Variants in NDUFAF2 observed in about 807,000 individuals in gnomAD.
NDUFAF2 encodes the protein NADH:ubiquinone oxidoreductase complex assembly factor 2.
NDUFAF2 carries 13 observed loss-of-function variants against 22.8 expected under a neutral mutation model. The observed-to-expected ratio is 0.57, with a 90% CI of 0.37 to 0.91. NDUFAF2 has a LOEUF of 0.91. Among genes scored for constraint, NDUFAF2 ranks in the 40% least tolerant of loss-of-function variants. The pLI, the probability that NDUFAF2 is intolerant of heterozygous loss-of-function variation, is 0.01. For synonymous variants in NDUFAF2, 53 were observed against 64.2 expected (o/e 0.83, Z 0.84); for missense variants, 162 against 195.2 (o/e 0.83, Z 1.01).
rs1240336890 is a variant in NDUFAF2, at chr5:61,147,437, C to CTTTTTTTTTTTTTTTTTTTTTTTT, written c.259-5250_259-5249insTTTTTTTTTTTTTTTTTTTTTTTT. 2.8e-4 allele frequency among the ~76,000 whole-genome samples: 24 copies of CTTTTTTTTTTTTTTTTTTTTTTTT among 84,736 alleles called. 3 individuals carry two copies. The highest frequency in any genetic ancestry group is 9.3e-3 in the Middle Eastern group (1 of 108). The allele number at this position is 84,736 out of a possible 152,430, so 55.6% of individuals were successfully genotyped here. ...CTAATTTTTGTATTTTTTTTTCTTT[C>CTTTTTTTTTTTTTTTTTTTTTTTT]TTTTTTTTTTTTTTTTTGTAGCAAC... On this transcript the variant is annotated intron_variant, in intron 3 of 3. Transcript: ENST00000296597.
At chr5:61,096,783 G>A (rs1212100559) in intron 2 of NDUFAF2, among the ~76,000 whole-genome samples, 2 of 151,830 alleles carry the variant, frequency 1.3e-5, no homozygotes, top group Non-Finnish European at 2.9e-5. Flanking sequence ...GGCCAACATG[G>A]TGAAACCCCA....
rs138723409 is a variant in NDUFAF2 at position 61,082,949 on chromosome 5, C to T, written c.217+9735C>T. 3.9e-5 allele frequency among the ~76,000 whole-genome samples: 6 copies of T among 152,228 alleles called. No homozygotes were observed. In the East Asian group the frequency reaches 1.2e-3, roughly 29 times the overall value. ...TTATTAGTAGTTCTTTGAGAATCGC[C>T]AAACTGCTTTCCACTTAGGCTGAAC... On this transcript the variant is annotated intron_variant, in intron 2 of 3. Coordinates refer to ENST00000296597, the MANE Select transcript of NDUFAF2 (RefSeq NM_174889.5).
chr5:61,099,970 T>A (rs1218743464), intron 3 of NDUFAF2, among the ~76,000 whole-genome samples: 1 of 152,184 alleles, frequency 6.6e-6, no homozygotes, highest in African/African-American at 2.4e-5. Context: ...CATACATTTG[T>A]CATATACTGA....
intron 1 of NDUFAF2, among the ~76,000 whole-genome samples, chr5:60,961,118 T>C (rs1750678039): frequency 6.6e-6 from 1 of 152,088 alleles, no homozygotes; most frequent in African/African-American, 2.4e-5. Context: ...TGAAGTTCGA[T>C]TTGCTCTTTA....
intron 3 of NDUFAF2, among the ~76,000 whole-genome samples, chr5:61,107,002 A>T (rs1752772496): frequency 6.8e-6 from 1 of 146,376 alleles, no homozygotes; most frequent in South Asian, 2.2e-4. Flanking sequence ...ATGGGAGTAC[A>T]GGTATCTCTT....
chr5:61,043,726 TAC>T (rs1298749964), intron 1 of NDUFAF2, among the ~76,000 whole-genome samples: 1 of 137,848 alleles, frequency 7.3e-6, no homozygotes, highest in Non-Finnish European at 1.7e-5. Flanking sequence ...TGTGTGTATC[TAC>T]ATCTATATTA....
chr5:61,111,539 C>T (rs1406138569), intron 3 of NDUFAF2, among the ~76,000 whole-genome samples: 1 of 152,090 alleles, frequency 6.6e-6, no homozygotes, highest in Admixed American at 6.6e-5. Context: ...TAGGCTTAAG[C>T]GATCCTCCCA....
intron 1 of NDUFAF2, among the ~76,000 whole-genome samples, chr5:61,060,705 C>CA (rs1369860569): frequency 6.6e-6 from 1 of 152,130 alleles, no homozygotes; most frequent in Non-Finnish European, 1.5e-5. Flanking sequence ...AAGTCACCTC[C>CA]AAATTCCACT....
At position 61,091,012 on chromosome 5, in the gene NDUFAF2, A is replaced by G. The variant is rs188485278; in HGVS notation, c.218-7980A>G. Among the ~76,000 whole-genome samples, 10 of 152,230 alleles carry G rather than the reference A, an allele frequency of 6.6e-5. No homozygotes were observed. The East Asian group carries it at 1.9e-3, about 29-fold the overall frequency. ...GCTCCATCCATGTCCCTACAAAGGC[A>G]TGATCTTGTTCTTTTTTATGGCTGC... On this transcript the variant is annotated intron_variant, in intron 2 of 3. Coordinates refer to ENST00000296597, the MANE Select transcript of NDUFAF2 (RefSeq NM_174889.5).
chr5:61,075,036 C>T (rs941393606), intron 2 of NDUFAF2, among the ~76,000 whole-genome samples: 6 of 152,152 alleles, frequency 3.9e-5, no homozygotes, highest in Non-Finnish European at 8.8e-5. Context: ...ATCTAGTCAC[C>T]TCCCTCCTTC....
intron 1 of NDUFAF2, among the ~76,000 whole-genome samples, chr5:61,064,716 G>A (rs1752207455): frequency 6.6e-6 from 1 of 151,968 alleles, no homozygotes; most frequent in Admixed American, 6.6e-5. Context: ...ACCAAAACAT[G>A]GGATGCAGCA....
intron 1 of NDUFAF2, among the ~76,000 whole-genome samples, chr5:61,067,506 T>C (rs932292414): frequency 2.0e-5 from 3 of 152,282 alleles, no homozygotes; most frequent in African/African-American, 7.2e-5. Flanking sequence ...TTTTTATGGC[T>C]GCATAGTATT....
At chr5:61,140,275 A>G (rs927924993) in intron 3 of NDUFAF2, among the ~76,000 whole-genome samples, 3 of 152,180 alleles carry the variant, frequency 2.0e-5, no homozygotes, top group Non-Finnish European at 2.9e-5. Context: ...TTCCTATTGA[A>G]TATCTTAACA....
intron 1 of NDUFAF2, among the ~76,000 whole-genome samples, chr5:61,009,184 A>G (rs1751411659): frequency 6.6e-6 from 1 of 152,092 alleles, no homozygotes; most frequent in Admixed American, 6.6e-5. Context: ...TTTTCAGATC[A>G]CAGAATATTT....
intron 3 of NDUFAF2, among the ~76,000 whole-genome samples, chr5:61,118,904 G>T (rs1408761296): frequency 1.3e-5 from 2 of 152,186 alleles, no homozygotes; most frequent in African/African-American, 4.8e-5. Context: ...AGGGTTCACA[G>T]TCATGGAGAG....
At chr5:61,150,870 A>G (rs1306701395) in intron 3 of NDUFAF2, among the ~76,000 whole-genome samples, 1 of 152,208 alleles carries the variant, frequency 6.6e-6, no homozygotes, top group Non-Finnish European at 1.5e-5. Context: ...TTTGTGATAC[A>G]TCATCACCTT....
chr5:60,979,741 C>T (rs971356090), intron 1 of NDUFAF2, among the ~76,000 whole-genome samples: 3 of 152,172 alleles, frequency 2.0e-5, no homozygotes, highest in African/African-American at 7.2e-5. Context: ...GAGCAACTTG[C>T]TCCCCTGAAG....
chr5:61,017,137 C>T (rs533827509), intron 1 of NDUFAF2, among the ~76,000 whole-genome samples: 54 of 152,184 alleles, frequency 3.5e-4, no homozygotes, highest in Middle Eastern at 3.4e-3. Context: ...TAGAGGTAGG[C>T]GTCAAACAGC....
chr5:61,040,284 A>G (rs62367907), intron 1 of NDUFAF2, among the ~76,000 whole-genome samples: 16,665 of 85,026 alleles, frequency 0.2, 1,052 homozygotes, highest in South Asian at 0.27. Flanking sequence ...ACACACACAC[A>G]CACGCGCGCG....
Sources: gnomAD v4.1 joint callset for allele counts (sites outside exome capture counted in the v4.1 genomes callset) on GRCh38, gnomAD v4.1.1 for gene constraint, MANE v1.5 for transcripts, NCBI Gene and HGNC (gene_info 2026-07-23, HGNC 2026-07-21) for gene names.